FMN1: variants seen among roughly 807,000 people sequenced by gnomAD.
The protein encoded by FMN1 is formin-1.
FMN1 carries 110 observed loss-of-function variants against 132.4 expected under a neutral mutation model. The ratio of observed to expected loss-of-function variants is 0.83; its 90% confidence interval spans 0.71 to 0.97. FMN1 has a LOEUF of 0.97. Among genes scored for constraint, FMN1 ranks in the 50% least tolerant of loss-of-function variants. FMN1 has a pLI of 0.00. For synonymous variants in FMN1, 722 were observed against 651.7 expected (o/e 1.11, Z -1.64); for missense variants, 1,792 against 1,705.3 (o/e 1.05, Z -0.90).
At chr15:32,940,008 TTC>T (rs1436031690) in intron 9 of FMN1, among the ~76,000 whole-genome samples, 4 of 152,214 alleles carry the variant, frequency 2.6e-5, no homozygotes, top group African/African-American at 7.2e-5. Context: ...CTCCTTAAGC[TTC>T]TGTTTGCTAT....
At chr15:32,892,287 TTC>T (rs1441949764) in intron 15 of FMN1, among the ~76,000 whole-genome samples, 10 of 152,234 alleles carry the variant, frequency 6.6e-5, no homozygotes, top group African/African-American at 2.4e-4. Context: ...TTTTGTTGAA[TTC>T]TTTTTCTGCA....
At chr15:33,102,474 T>G (rs759390253) in intron 4 of FMN1, among the ~76,000 whole-genome samples, 1 of 152,134 alleles carries the variant, frequency 6.6e-6, no homozygotes, top group Non-Finnish European at 1.5e-5. Context: ...GAACCCAGTC[T>G]TAAGTCACCC....
At chr15:33,174,496 G>T (rs1486929685) in intron 3 of FMN1, among the ~76,000 whole-genome samples, 1 of 152,158 alleles carries the variant, frequency 6.6e-6, no homozygotes, top group East Asian at 1.9e-4. Context: ...TCTTGAAAAG[G>T]CAAAGAATGT....
intron 6 of FMN1, among the ~76,000 whole-genome samples, chr15:33,027,179 C>T (rs1471079514): frequency 1.3e-5 from 2 of 152,022 alleles, no homozygotes; most frequent in African/African-American, 4.8e-5. Context: ...CCAGAAAATA[C>T]GGACAGCACT....
intron 10 of FMN1, among the ~76,000 whole-genome samples, chr15:32,910,879 T>C (rs1206068260): frequency 2.0e-5 from 3 of 152,196 alleles, no homozygotes; most frequent in African/African-American, 4.8e-5. Context: ...CCGATGGTAA[T>C]TGAAGAGATT....
chr15:32,977,290 G>T (rs1487929006), intron 7 of FMN1, among the ~76,000 whole-genome samples: 1 of 152,174 alleles, frequency 6.6e-6, no homozygotes, highest in Non-Finnish European at 1.5e-5. Flanking sequence ...CCTTATCACT[G>T]ATCCTCAATG....
At chr15:32,844,548 C>T (rs2058816294) in intron 17 of FMN1, among the ~76,000 whole-genome samples, 1 of 152,066 alleles carries the variant, frequency 6.6e-6, no homozygotes, top group African/African-American at 2.4e-5. Flanking sequence ...TTCTACTTAC[C>T]TTTTATTCTA....
At chr15:32,785,218 A>ATATTTTTTTT (rs1444523400) in intron 19 of FMN1, among the ~76,000 whole-genome samples, 3 of 39,202 alleles carry the variant, frequency 7.7e-5, no homozygotes, top group African/African-American at 1.2e-4. Flanking sequence ...ATATATATAT[A>ATATTTTTTTT]TTTTTTTTTT....
intron 9 of FMN1, among the ~76,000 whole-genome samples, chr15:32,946,186 T>C (rs2061507025): frequency 6.6e-6 from 1 of 152,192 alleles, no homozygotes; most frequent in Non-Finnish European, 1.5e-5. Context: ...ATTTCCCCCG[T>C]AATTAGTCTT....
rs8026518 is a variant in FMN1 at position 32,837,615 on chromosome 15, A to C, written c.3928+19400T>G. Among the ~76,000 whole-genome samples the C allele has an allele frequency of 7.2e-3, 1,095 of 152,322 alleles. 13 individuals carry two copies. The highest frequency in any genetic ancestry group is 0.025 in the African/African-American group (1,037 of 41,570). Reference sequence around the variant, plus strand: ...AATGCCCATGAAGTAGAGAGAAGACAAAAGAGGGTTAGGACCTAAAGCAAG... The same window carrying C: ...AATGCCCATGAAGTAGAGAGAAGACCAAAGAGGGTTAGGACCTAAAGCAAG... On this transcript the variant is annotated intron_variant, in intron 17 of 20. Transcript: ENST00000616417.
In FMN1 at chr15:32,926,165, A is replaced by C; in HGVS notation, c.3226+9T>G. ...AAAAAGTAAAACAAAAGTGATAGAA[A>C]AGACTTACCCTGTTGGATATCCTTC... On this transcript the variant is annotated intron_variant, in intron 10 of 20. Coordinates refer to ENST00000616417, the MANE Select transcript of FMN1 (RefSeq NM_001277313.2). The C allele has an allele frequency of 7.2e-7, 1 of 1,390,866 alleles. No individual in the cohort carries two copies. Among genetic ancestry groups the C allele is most frequent in the Non-Finnish European group, 9.9e-7 (1 of 1,005,492 alleles). The allele number at this position is 1,390,866 out of a possible 1,614,324, so 86.2% of individuals were successfully genotyped here.
At chr15:33,077,486 GTATATCTCATAATGC>G (rs1421420941) in intron 5 of FMN1, among the ~76,000 whole-genome samples, 5 of 151,534 alleles carry the variant, frequency 3.3e-5, no homozygotes, top group African/African-American at 1.2e-4. Context: ...TTTACCTTAG[GTATATCTCATAATGC>G]TATCCCTCCC....
intron 9 of FMN1, among the ~76,000 whole-genome samples, chr15:32,929,516 A>G (rs1253630340): frequency 3.9e-5 from 6 of 152,230 alleles, no homozygotes; most frequent in African/African-American, 1.2e-4. Context: ...ACAATGTTAT[A>G]CAGCAGATTT....
Position 32,939,489 on chromosome 15 carries a change from G to A in FMN1, c.3139-13228C>T, listed in dbSNP as rs186294546. 1.4e-3 allele frequency among the ~76,000 whole-genome samples: 208 copies of A among 152,140 alleles called. 1 individual carries two copies. Among genetic ancestry groups the A allele is most frequent in the African/African-American group, 4.8e-3 (198 of 41,520 alleles). On this transcript the variant is annotated intron_variant, in intron 9 of 20. Transcript: ENST00000616417. Reference sequence around the variant, plus strand: ...TGTTATCAACCAATATTACTACTTCGCTTTCTGAATGCTTTTTTAGAATCA... The same window carrying A: ...TGTTATCAACCAATATTACTACTTCACTTTCTGAATGCTTTTTTAGAATCA...
At chr15:32,980,307 G>GAAA (rs58235101) in intron 7 of FMN1, among the ~76,000 whole-genome samples, 1 of 134,482 alleles carries the variant, frequency 7.4e-6, no homozygotes, top group South Asian at 2.4e-4. Context: ...AGGTCAGTTT[G>GAAA]AAAAAAAAAA....
chr15:33,048,644 A>AAAAAAAAAAAAACAAAAAC lies in FMN1; in HGVS notation c.2161+16312_2161+16313insGTTTTTGTTTTTTTTTTTT. Among the ~76,000 whole-genome samples the AAAAAAAAAAAAACAAAAAC allele has an allele frequency of 4.1e-4, 36 of 86,906 alleles. 2 individuals are homozygous for AAAAAAAAAAAAACAAAAAC. The highest frequency in any genetic ancestry group is 1.1e-3 in the Admixed American group (7 of 6,292). 57.0% of individuals were successfully genotyped at this position (86,906 alleles called of 152,430 possible). A position where few individuals can be genotyped will look rare whatever the true frequency, so the allele number is the denominator to read the frequency against. On this transcript the variant is annotated intron_variant, in intron 6 of 20. Transcript: ENST00000616417. ...TGGGCAATTTACCAAAAAAAAAAAAAAAAAACCAACAGTTTAATGGACTTA... is the reference window on the plus strand; with the variant it reads ...TGGGCAATTTACCAAAAAAAAAAAAAAAAAAAAAAAAACAAAAACAAAAACCAACAGTTTAATGGACTTA...
At chr15:33,015,926 G>C (rs1476044611) in intron 6 of FMN1, among the ~76,000 whole-genome samples, 2 of 151,736 alleles carry the variant, frequency 1.3e-5, no homozygotes, top group Non-Finnish European at 1.5e-5. Context: ...TCGGAGTTTG[G>C]TCCCTGGACC....
intron 19 of FMN1, among the ~76,000 whole-genome samples, chr15:32,785,075 G>C (rs888779871): frequency 1.3e-5 from 2 of 150,848 alleles, no homozygotes; most frequent in Non-Finnish European, 1.5e-5. Flanking sequence ...GTATCTGTGT[G>C]AACTGTAACA....
rs1273072245 is a variant in FMN1, at chr15:33,067,445, T to TCA, written c.2044-2373_2044-2372dup. 3 of 1,613,910 alleles carry TCA rather than the reference T, an allele frequency of 1.9e-6. No individual in the cohort carries two copies. The African/African-American group carries it at 4.0e-5, about 22-fold the overall frequency. On this transcript the variant is annotated intron_variant, in intron 5 of 20. Transcript: ENST00000616417. ...CTGGCCACCATCATCAGAGTCAGAATCACTGGTGGTGTGCACCAGGGTCCC... is the reference window on the plus strand; with the variant it reads ...CTGGCCACCATCATCAGAGTCAGAATCACACTGGTGGTGTGCACCAGGGTCCC...
Sources: allele counts gnomAD v4.1 joint callset (sites outside exome capture counted in the v4.1 genomes callset), GRCh38; gene constraint gnomAD v4.1.1; transcripts MANE v1.5; gene names NCBI Gene and HGNC (gene_info 2026-07-23, HGNC 2026-07-21).